DYNC1LI1: variants seen among roughly 807,000 people sequenced by gnomAD.
The protein encoded by DYNC1LI1 is cytoplasmic dynein 1 light intermediate chain 1.
In DYNC1LI1, 19 loss-of-function variants were observed where a neutral mutation model predicts 63.8. The ratio of observed to expected loss-of-function variants is 0.30; its 90% CI spans 0.21 to 0.44. The LOEUF is 0.44. Among genes scored for constraint, DYNC1LI1 ranks in the 20% least tolerant of loss-of-function variants. The pLI is 1.00. For missense variants in DYNC1LI1, 565 were observed against 630.2 expected, an observed-to-expected ratio of 0.90 and a Z score of 1.11; for synonymous variants, 225 against 232.3, an observed-to-expected ratio of 0.97 and a Z score of 0.28.
chr3:32,530,860 C>A, intron 8 of DYNC1LI1: 1 of 224,530 alleles, frequency 4.5e-6, no homozygotes, highest in Non-Finnish European at 9.0e-6. Context: ...AGGCAAGTGG[C>A]TACCGTATTG....
chr3:32,553,021 C>T (rs1011899641), intron 2 of DYNC1LI1, among the ~76,000 whole-genome samples: 38 of 152,156 alleles, frequency 2.5e-4, no homozygotes, highest in African/African-American at 8.9e-4. Flanking sequence ...AAGCCTCCTA[C>T]AGAGCAGCCA....
chr3:32,565,051 A>G (rs1234672010), intron 2 of DYNC1LI1, among the ~76,000 whole-genome samples: 1 of 152,184 alleles, frequency 6.6e-6, no homozygotes, highest in Non-Finnish European at 1.5e-5. Flanking sequence ...TTGGCTGCAT[A>G]TTACCGTGGA....
intron 1 of DYNC1LI1, 25 bp from the exon 2 acceptor site, chr3:32,570,444 G>A (rs1244980177): frequency 6.4e-7 from 1 of 1,561,628 alleles, no homozygotes; most frequent in Non-Finnish European, 8.7e-7. Context: ...GGCGTACGGT[G>A]AGGCCGGAGG....
chr3:32,534,566 A>G lies in DYNC1LI1; in HGVS notation c.913T>C (p.Tyr305His), dbSNP rs766182253. The G allele has an allele frequency of 4.4e-6, 7 of 1,597,774 alleles. No homozygotes were observed. Among genetic ancestry groups the G allele is most frequent in the Non-Finnish European group, 4.3e-6 (5 of 1,168,950 alleles). ...LVYKYIVQKL[Y>H]GFPYKIPAVV... Reference sequence around the variant, plus strand: ...GCAGGAATCTTATAGGGAAATCCATATAGTTTCTGAACGATGTATTTATAT... The same window carrying G: ...GCAGGAATCTTATAGGGAAATCCATGTAGTTTCTGAACGATGTATTTATAT... The change falls in exon 7 of 13, where the codon TAT (tyrosine) becomes CAT (histidine). Residue 305 changes from tyrosine (Y) to histidine (H), a missense_variant. Coordinates refer to ENST00000273130, the MANE Select transcript of DYNC1LI1 (RefSeq NM_016141.4).
intron 3 of DYNC1LI1, 88 bp downstream of exon 3, chr3:32,545,761 T>A (rs1300542473): frequency 1.1e-6 from 1 of 883,548 alleles, no homozygotes; most frequent in Non-Finnish European, 1.9e-6. Flanking sequence ...TAGTAAAAAA[T>A]TACACACTAA....
intron 1 of DYNC1LI1, 61 bp from the exon 2 acceptor site, chr3:32,570,480 G>A: frequency 6.7e-7 from 1 of 1,502,422 alleles, no homozygotes; most frequent in Non-Finnish European, 8.9e-7. Context: ...GGGAGGGACG[G>A]ACCCGGCCTC....
intron 2 of DYNC1LI1, among the ~76,000 whole-genome samples, chr3:32,557,794 A>G (rs1227983357): frequency 6.6e-6 from 1 of 152,184 alleles, no homozygotes; most frequent in African/African-American, 2.4e-5. Context: ...CTTGGCCTTC[A>G]GCTGGCAGTG....
At chr3:32,551,584 T>C (rs1559441189) in intron 2 of DYNC1LI1, among the ~76,000 whole-genome samples, 1 of 152,018 alleles carries the variant, frequency 6.6e-6, no homozygotes, top group Non-Finnish European at 1.5e-5. Flanking sequence ...AAGAGTAAGT[T>C]TAGGAGTAAA....
intron 4 of DYNC1LI1, among the ~76,000 whole-genome samples, chr3:32,544,507 C>T (rs1468879308): frequency 1.3e-5 from 2 of 152,124 alleles, no homozygotes; most frequent in Non-Finnish European, 2.9e-5. Flanking sequence ...CGGTGGCTCA[C>T]GCCTGTAATC....
At position 32,534,547 on chromosome 3, in the gene DYNC1LI1, A is replaced by C; in HGVS notation, c.932T>G (p.Ile311Ser). 1 of 1,597,842 alleles carries C rather than the reference A, an allele frequency of 6.3e-7. No individual in the cohort carries two copies. Among genetic ancestry groups the C allele is most frequent in the African/African-American group, 1.3e-5 (1 of 74,358 alleles). ...VQKLYGFPYK[I>S]PAVVVEKDAV... ...ATCCTTTTCCACAACAACAGCAGGA[A>C]TCTTATAGGGAAATCCATATAGTTT... The change falls in exon 7 of 13, where the codon ATT becomes AGT. Residue 311 changes from isoleucine to serine, a missense_variant. Ile to Ser is a moderately radical substitution (Grantham distance 142). Transcript: ENST00000273130.
chr3:32,547,961 A>G lies in DYNC1LI1; in HGVS notation c.221-1996T>C, dbSNP rs796807629. On this transcript the variant is annotated intron_variant, in intron 2 of 12. Coordinates refer to ENST00000273130, the MANE Select transcript of DYNC1LI1 (RefSeq NM_016141.4). ...ATAGTATTGCATTGTGGGTATGTGT[A>G]TGTATAATATATATGTGTGTGTATA... 1.1e-4 allele frequency among the ~76,000 whole-genome samples: 16 copies of G among 152,212 alleles called. 1 individual carries two copies. The highest frequency in any genetic ancestry group is 2.9e-4 in the African/African-American group (12 of 41,550).
intron 6 of DYNC1LI1, among the ~76,000 whole-genome samples, chr3:32,535,295 C>G (rs1229253778): frequency 6.6e-6 from 1 of 152,192 alleles, no homozygotes; most frequent in Non-Finnish European, 1.5e-5. Flanking sequence ...CCAAAAGACA[C>G]AGTGGATGTA....
intron 2 of DYNC1LI1, among the ~76,000 whole-genome samples, chr3:32,561,096 A>G (rs1017316317): frequency 6.6e-5 from 10 of 151,572 alleles, no homozygotes; most frequent in African/African-American, 2.4e-4. Context: ...AATATCTACC[A>G]AGATCAGTAA....
Position 32,530,512 on chromosome 3 carries a change from A to T in DYNC1LI1, c.1089T>A (p.His363Gln). The T allele has an allele frequency of 6.2e-7, 1 of 1,612,960 alleles. No homozygotes were observed. Residue 363 changes from histidine (H) to glutamine (Q), a missense_variant, in exon 9 of 13, where the codon CAT becomes CAA. Transcript: ENST00000273130. ...CATCTTCTGCCATAATTTCCTTCTCATGTACAAACTGAAATGAGCAATGCA... is the reference window on the plus strand; with the variant it reads ...CATCTTCTGCCATAATTTCCTTCTCTTGTACAAACTGAAATGAGCAATGCA... ...ITKPPVRKFV[H>Q]EKEIMAEDDQ...
chr3:32,558,497 C>T (rs1010635012), intron 2 of DYNC1LI1, among the ~76,000 whole-genome samples: 10 of 151,894 alleles, frequency 6.6e-5, no homozygotes, highest in African/African-American at 2.4e-4. Context: ...GCTTTATCTC[C>T]CTGATAGATC....
intron 2 of DYNC1LI1, among the ~76,000 whole-genome samples, chr3:32,555,964 C>T (rs181097179): frequency 8.5e-5 from 13 of 152,270 alleles, no homozygotes; most frequent in Admixed American, 3.3e-4. Context: ...GAAAAAAACC[C>T]GTCAGGGTCT....
chr3:32,528,448 G>T lies in DYNC1LI1; in HGVS notation c.1460C>A (p.Ser487Ter). The T allele has an allele frequency of 6.2e-7, 1 of 1,614,002 alleles. No individual in the cohort carries two copies. Among genetic ancestry groups the T allele is most frequent in the South Asian group, 1.1e-5 (1 of 91,034 alleles). Reference sequence around the variant, plus strand: ...TGACTTGCTTCCCATAAGCATACCTGACTTTTTGGTGGATGGTGGTAAACC... The same window carrying T: ...TGACTTGCTTCCCATAAGCATACCTTACTTTTTGGTGGATGGTGGTAAACC... Reference protein sequence around the residue: ...SSGLPPSTKKSGQKPVLDVHA... With the variant: ...SSGLPPSTKK Residue 487 changes from serine (S) to a stop codon, truncating the protein, a stop_gained and splice_region_variant, in exon 12 of 13, where the codon TCA becomes TAA. Coordinates refer to ENST00000273130, the MANE Select transcript of DYNC1LI1 (RefSeq NM_016141.4). LOFTEE classifies it high-confidence loss of function.
chr3:32,527,306 A>C (rs1024272125), intron 12 of DYNC1LI1, among the ~76,000 whole-genome samples: 1 of 152,206 alleles, frequency 6.6e-6, no homozygotes, highest in Non-Finnish European at 1.5e-5. Context: ...AAAAAATAAA[A>C]ATAATATAAA....
At chr3:32,528,262 A>T (rs1004524094) in intron 12 of DYNC1LI1, among the ~76,000 whole-genome samples, 184 bp downstream of exon 12, 1 of 152,176 alleles carries the variant, frequency 6.6e-6, no homozygotes, top group African/African-American at 2.4e-5. Context: ...CACAGAGGAA[A>T]GAGAGAAGGT....
Sources: allele counts gnomAD v4.1 joint callset (sites outside exome capture counted in the v4.1 genomes callset), GRCh38; gene constraint gnomAD v4.1.1; transcripts MANE v1.5; gene names NCBI Gene and HGNC (gene_info 2026-07-23, HGNC 2026-07-21).